PRKCH: variants seen among roughly 807,000 people sequenced by gnomAD.
The protein encoded by PRKCH is protein kinase C eta type.
PRKCH carries 28 observed loss-of-function variants against 82.5 expected under a neutral mutation model. The ratio of observed to expected loss-of-function variants is 0.34; its 90% CI spans 0.25 to 0.47. The LOEUF is 0.47. Ranked by LOEUF, PRKCH falls within the 20% of genes least tolerant of loss-of-function variation. PRKCH has a pLI of 1.00. For synonymous variants in PRKCH, 322 were observed against 327.4 expected (o/e 0.98, Z 0.18); for missense variants, 705 against 881.8 (o/e 0.80, Z 2.54).
At chr14:61,478,971 A>C (rs1317781901) in intron 9 of PRKCH, among the ~76,000 whole-genome samples, 1 of 152,226 alleles carries the variant, frequency 6.6e-6, no homozygotes, top group Non-Finnish European at 1.5e-5. Flanking sequence ...AAAAGAACTA[A>C]AAATAAAGAT....
In PRKCH at chr14:61,550,925, A is replaced by T. The variant is rs14095; in HGVS notation, c.*1094A>T. The T allele has an allele frequency of 9.9e-5, 15 of 152,158 alleles. No individual in the cohort carries two copies. The highest frequency in any genetic ancestry group is 3.4e-4 in the African/African-American group (14 of 41,390). 9.4% of individuals were successfully genotyped at this position (152,158 alleles called of 1,614,324 possible). ...ATGACCTTATAATATGTACCCGAATATACAGTTCAAGAATTTTGTCTGACT... is the reference window on the plus strand; with the variant it reads ...ATGACCTTATAATATGTACCCGAATTTACAGTTCAAGAATTTTGTCTGACT... On this transcript the variant is annotated 3_prime_UTR_variant, in exon 14 of 14. Coordinates refer to ENST00000332981, the MANE Select transcript of PRKCH (RefSeq NM_006255.5).
chr14:61,254,247 T>C, intron 1 of PRKCH, among the ~76,000 whole-genome samples: 1 of 151,892 alleles, frequency 6.6e-6, no homozygotes, highest in Non-Finnish European at 1.5e-5. Context: ...CTCAGGAAAA[T>C]AAATAACAAG....
intron 10 of PRKCH, among the ~76,000 whole-genome samples, chr14:61,513,127 A>G (rs1416980278): frequency 1.3e-5 from 2 of 152,194 alleles, no homozygotes; most frequent in Non-Finnish European, 2.9e-5. Context: ...AGATGCAGAA[A>G]GCAGTTCTCA....
intron 9 of PRKCH, among the ~76,000 whole-genome samples, chr14:61,464,218 C>CT (rs1885154977): frequency 6.6e-6 from 1 of 152,192 alleles, no homozygotes; most frequent in Non-Finnish European, 1.5e-5. Context: ...TCCACATCCT[C>CT]TTCAACACCT....
chr14:61,222,704 C>T (rs1242863966), intron 1 of PRKCH, among the ~76,000 whole-genome samples: 1 of 152,174 alleles, frequency 6.6e-6, no homozygotes, highest in East Asian at 1.9e-4. Context: ...ATGAGGTAGT[C>T]TTTCAACAAA....
At position 61,434,944 on chromosome 14, in the gene PRKCH, G is replaced by A. The variant is rs192859836; in HGVS notation, c.428-8167G>A. ...GGGTAAATGTAAATACATTACTATA[G>A]CAGATAAATAAATATGGATGCCCCA... On this transcript the variant is annotated intron_variant, in intron 2 of 13. Transcript: ENST00000332981. Among the ~76,000 whole-genome samples, 5 of 152,260 alleles carry A rather than the reference G, an allele frequency of 3.3e-5. No individual in the cohort carries two copies. The East Asian group carries it at 9.7e-4, about 29-fold the overall frequency.
intron 1 of PRKCH, among the ~76,000 whole-genome samples, chr14:61,202,265 A>G (rs1379636027): frequency 2.0e-5 from 3 of 152,090 alleles, no homozygotes; most frequent in Admixed American, 6.5e-5. Flanking sequence ...AAACAAGGAC[A>G]CTTCTGAACT....
chr14:61,438,731 G>A (rs1883799656), intron 2 of PRKCH, among the ~76,000 whole-genome samples: 1 of 152,142 alleles, frequency 6.6e-6, no homozygotes, highest in Non-Finnish European at 1.5e-5. Flanking sequence ...TTTTGCAAAT[G>A]AAAACTTACC....
chr14:61,276,931 C>T (rs2045208513), intron 1 of PRKCH, among the ~76,000 whole-genome samples: 1 of 152,084 alleles, frequency 6.6e-6, no homozygotes, highest in Non-Finnish European at 1.5e-5. Flanking sequence ...CACCTGTAAT[C>T]CCAGCACTTT....
At chr14:61,207,930 G>A (rs2044540099) in intron 1 of PRKCH, among the ~76,000 whole-genome samples, 1 of 152,208 alleles carries the variant, frequency 6.6e-6, no homozygotes, top group Non-Finnish European at 1.5e-5. Context: ...TTTGATTTCT[G>A]TGTTGTCCCC....
chr14:61,445,761 G>C lies in PRKCH; in HGVS notation c.613+35G>C, dbSNP rs750417926. 26 of 1,570,590 alleles carry C rather than the reference G, an allele frequency of 1.7e-5. No homozygotes were observed. In the East Asian group the frequency reaches 5.8e-4, roughly 35 times the overall value. On this transcript the variant is annotated intron_variant, in intron 4 of 13. Coordinates refer to ENST00000332981, the MANE Select transcript of PRKCH (RefSeq NM_006255.5). The stretch of plus-strand genomic sequence containing the variant: ...CATTTTTAAAACCATGTTTCATTTT[G>C]TTCCTATGTTAAAAGAAATGATTAT...
chr14:61,507,763 G>A (rs944450782), intron 10 of PRKCH, among the ~76,000 whole-genome samples: 2 of 152,072 alleles, frequency 1.3e-5, no homozygotes, highest in African/African-American at 4.8e-5. Flanking sequence ...GTTGCCAAGG[G>A]TGGTTGGGGG....
intron 1 of PRKCH, among the ~76,000 whole-genome samples, chr14:61,216,744 T>C (rs1437562672): frequency 6.6e-6 from 1 of 152,194 alleles, no homozygotes; most frequent in Non-Finnish European, 1.5e-5. Context: ...TTGACTCGGC[T>C]CGAACATGAG....
At chr14:61,384,953 G>A (rs897158966) in intron 1 of PRKCH, among the ~76,000 whole-genome samples, 2 of 152,010 alleles carry the variant, frequency 1.3e-5, no homozygotes, top group African/African-American at 2.4e-5. Flanking sequence ...TGGATGTCCC[G>A]TTGTTCTAGC....
At chr14:61,219,346 A>G (rs2044638070) in intron 1 of PRKCH, among the ~76,000 whole-genome samples, 1 of 152,208 alleles carries the variant, frequency 6.6e-6, no homozygotes. Context: ...CATATTGTAA[A>G]TGATGCTTCA....
intron 12 of PRKCH, among the ~76,000 whole-genome samples, chr14:61,531,855 T>C (rs1000579235): frequency 6.6e-6 from 1 of 152,226 alleles, no homozygotes; most frequent in Non-Finnish European, 1.5e-5. Flanking sequence ...ACCATAAATA[T>C]GGCTTTTATA....
chr14:61,479,563 T>C (rs1200508968), intron 9 of PRKCH, among the ~76,000 whole-genome samples: 1 of 152,180 alleles, frequency 6.6e-6, no homozygotes, highest in Admixed American at 6.5e-5. Context: ...ACTGGTACCA[T>C]CCTGGCATAG....
At chr14:61,237,849 T>C (rs1339533791) in intron 1 of PRKCH, among the ~76,000 whole-genome samples, 1 of 152,220 alleles carries the variant, frequency 6.6e-6, no homozygotes, top group Non-Finnish European at 1.5e-5. Context: ...CGGTCAGGCC[T>C]TCCTGAAGCA....
At chr14:61,537,456 G>A (rs2043126579) in intron 12 of PRKCH, 1 of 152,176 alleles carries the variant, frequency 6.6e-6, no homozygotes, top group Admixed American at 6.5e-5. Context: ...TGCTGATAAT[G>A]ATGAGACAAA....
Sources: gnomAD v4.1 joint callset for allele counts (sites outside exome capture counted in the v4.1 genomes callset) on GRCh38, gnomAD v4.1.1 for gene constraint, MANE v1.5 for transcripts, NCBI Gene and HGNC (gene_info 2026-07-23, HGNC 2026-07-21) for gene names.